RGS6: variants seen among roughly 807,000 people sequenced by gnomAD.
RGS6 encodes the protein regulator of G protein signaling 6, also known as regulator of G-protein signaling 6.
RGS6 carries 30 observed loss-of-function variants against 78.5 expected under a neutral mutation model. That is an observed-to-expected ratio of 0.38 (90% confidence interval 0.29 to 0.52). The LOEUF (loss-of-function observed/expected upper bound fraction) is 0.52, where lower values mean the gene tolerates loss of function less well. RGS6 is among the 20% of genes least tolerant of loss of function. The pLI is 0.85. For synonymous variants in RGS6, 206 were observed against 206.0 expected (o/e 1.00, Z 0.00); for missense variants, 495 against 609.7 (o/e 0.81, Z 1.98).
chr14:72,621,987 C>CTGGGCCTGAGATA, the RGS6 span, among the ~76,000 whole-genome samples: 2 of 152,158 alleles, frequency 1.3e-5, no homozygotes, highest in Non-Finnish European at 2.9e-5. Flanking sequence ...GGAGAGAAGT[C>CTGGGCCTGAGATA]TGGGCCTGAG....
intron 1 of RGS6, among the ~76,000 whole-genome samples, chr14:71,949,795 TGCCTTTTAGCC>T: frequency 6.6e-6 from 1 of 150,986 alleles, no homozygotes; most frequent in African/African-American, 2.4e-5. Context: ...TTTTTTTTTT[TGCCTTTTAGCC>T]TTTTATCTTT....
intron 2 of RGS6, among the ~76,000 whole-genome samples, chr14:72,033,846 A>G (rs947558106): frequency 1.3e-5 from 2 of 152,042 alleles, no homozygotes; most frequent in Non-Finnish European, 2.9e-5. Context: ...GCATGGTTTT[A>G]TATTCTCCCC....
chr14:72,224,567 T>A (rs1431185691), intron 2 of RGS6, among the ~76,000 whole-genome samples: 1 of 152,094 alleles, frequency 6.6e-6, no homozygotes, highest in Non-Finnish European at 1.5e-5. Flanking sequence ...TAGTACTTCT[T>A]ATTATATATA....
At chr14:72,321,693 A>G (rs2152517398) in intron 2 of RGS6, among the ~76,000 whole-genome samples, 1 of 152,162 alleles carries the variant, frequency 6.6e-6, no homozygotes. Flanking sequence ...TAGCCTGAAA[A>G]GTTAAGCAAA....
the RGS6 span, among the ~76,000 whole-genome samples, chr14:71,904,442 A>C: frequency 6.6e-6 from 1 of 152,248 alleles, no homozygotes; most frequent in Admixed American, 6.5e-5. Context: ...ACTTGGAATC[A>C]AATAGGAAAA....
intron 2 of RGS6, among the ~76,000 whole-genome samples, chr14:72,046,764 A>T (rs1033432021): frequency 6.6e-6 from 1 of 152,236 alleles, no homozygotes; most frequent in African/African-American, 2.4e-5. Context: ...TTATAACTTC[A>T]GAATTTTCTA....
At chr14:72,611,965 A>C in the RGS6 span, among the ~76,000 whole-genome samples, 1 of 152,196 alleles carries the variant, frequency 6.6e-6, no homozygotes, top group Non-Finnish European at 1.5e-5. Context: ...ATGGCTGAAA[A>C]GCAACTTGAA....
intron 2 of RGS6, among the ~76,000 whole-genome samples, chr14:72,119,840 G>A (rs898441346): frequency 1.3e-5 from 2 of 152,230 alleles, no homozygotes; most frequent in Non-Finnish European, 2.9e-5. Context: ...TTTCTAGAAG[G>A]ATAGGGATTC....
intron 4 of RGS6, among the ~76,000 whole-genome samples, chr14:72,456,199 G>T (rs541484446): frequency 4.6e-5 from 7 of 152,168 alleles, no homozygotes; most frequent in Non-Finnish European, 7.4e-5. Flanking sequence ...ATAGTCTAAG[G>T]GGGGAGATGA....
At chr14:72,624,333 C>CTTTTTTT in the RGS6 span, among the ~76,000 whole-genome samples, 36 of 97,794 alleles carry the variant, frequency 3.7e-4, 1 homozygote, top group Non-Finnish European at 5.8e-4. Flanking sequence ...ACCTATGTCT[C>CTTTTTTT]TTTTTTTTTT....
intron 2 of RGS6, among the ~76,000 whole-genome samples, chr14:72,237,455 T>A (rs1362408405): frequency 6.6e-6 from 1 of 152,176 alleles, no homozygotes; most frequent in African/African-American, 2.4e-5. Flanking sequence ...CATGACATGT[T>A]GGGTTTTACA....
chr14:72,605,029 A>G, the RGS6 span, among the ~76,000 whole-genome samples: 1 of 152,262 alleles, frequency 6.6e-6, no homozygotes, highest in East Asian at 1.9e-4. Flanking sequence ...CTGGGAGGCA[A>G]GGGAGGGTAC....
chr14:72,226,604 C>T (rs1194529092), intron 2 of RGS6, among the ~76,000 whole-genome samples: 1 of 152,166 alleles, frequency 6.6e-6, no homozygotes, highest in East Asian at 1.9e-4. Flanking sequence ...CAACTGGGAA[C>T]TTGTCAGATA....
chr14:72,557,356 C>A (rs367957786), intron 17 of RGS6, among the ~76,000 whole-genome samples: 1 of 152,236 alleles, frequency 6.6e-6, no homozygotes, highest in African/African-American at 2.4e-5. Flanking sequence ...GAAGATGCCA[C>A]GGAATTCTTT....
chr14:71,905,056 G>T, the RGS6 span, among the ~76,000 whole-genome samples: 2 of 152,100 alleles, frequency 1.3e-5, no homozygotes, highest in Non-Finnish European at 2.9e-5. Flanking sequence ...GTTCTGTTAT[G>T]CACGAAAATT....
intron 2 of RGS6, among the ~76,000 whole-genome samples, chr14:72,173,266 C>T (rs2097052880): frequency 6.6e-6 from 1 of 151,930 alleles, no homozygotes; most frequent in African/African-American, 2.4e-5. Context: ...AGGGCAGCTG[C>T]CCACAACAGA....
chr14:72,030,932 G>A (rs949738637), intron 2 of RGS6, among the ~76,000 whole-genome samples: 27 of 151,562 alleles, frequency 1.8e-4, no homozygotes, highest in Non-Finnish European at 3.1e-4. Context: ...GGGCTTGATA[G>A]CACTTACATA....
intron 2 of RGS6, among the ~76,000 whole-genome samples, chr14:72,298,699 C>G (rs549060380): frequency 4.9e-4 from 75 of 152,202 alleles, no homozygotes; most frequent in African/African-American, 1.7e-3. Flanking sequence ...CCACCCGCCT[C>G]GGCCTCCCAG....
chr14:72,548,665 G>A (rs1163744483), intron 17 of RGS6, among the ~76,000 whole-genome samples: 1 of 152,172 alleles, frequency 6.6e-6, no homozygotes, highest in Non-Finnish European at 1.5e-5. Context: ...GAGAGAGAAA[G>A]TGACCCTGGA....
Sources: gnomAD v4.1 joint callset for allele counts (sites outside exome capture counted in the v4.1 genomes callset) on GRCh38, gnomAD v4.1.1 for gene constraint, MANE v1.5 for transcripts, NCBI Gene and HGNC (gene_info 2026-07-23, HGNC 2026-07-21) for gene names.